Variants in DLGAP4 observed in about 807,000 individuals in gnomAD.
DLGAP4 encodes DLG associated protein 4, also known as disks large-associated protein 4.
Under a neutral mutation model 86.9 loss-of-function variants are expected in DLGAP4, and 18 were observed. The observed-to-expected ratio is 0.21, with a 90% CI of 0.14 to 0.31. The LOEUF is 0.31. DLGAP4 is among the 10% of genes least tolerant of loss of function. The pLI is 1.00. For missense variants in DLGAP4, 1,085 were observed against 1,362.6 expected (o/e 0.80, Z 3.21); for synonymous variants, 548 against 574.3 (o/e 0.95, Z 0.65).
chr20:36,419,509 C>T (rs1023849360), intron 2 of DLGAP4, among the ~76,000 whole-genome samples: 5 of 152,124 alleles, frequency 3.3e-5, no homozygotes, highest in African/African-American at 1.2e-4. Flanking sequence ...TCTCACAGAG[C>T]TTCTAGGGGT....
intron 10 of DLGAP4, among the ~76,000 whole-genome samples, chr20:36,503,424 T>C (rs969145984): frequency 1.1e-4 from 17 of 151,280 alleles, no homozygotes; most frequent in African/African-American, 3.6e-4. Flanking sequence ...TCTTTCTGTC[T>C]CTGGATTTGC....
intron 2 of DLGAP4, among the ~76,000 whole-genome samples, chr20:36,411,356 C>T (rs187686615): frequency 2.6e-4 from 40 of 152,294 alleles, no homozygotes; most frequent in African/African-American, 9.6e-4. Flanking sequence ...GCCCTGACCC[C>T]GTTCTGCCCC....
intron 1 of DLGAP4, among the ~76,000 whole-genome samples, chr20:36,364,931 CA>C (rs529153725): frequency 6.6e-6 from 1 of 151,876 alleles, no homozygotes; most frequent in African/African-American, 2.4e-5. Flanking sequence ...TTCATCTCTG[CA>C]AAAAATACAA....
chr20:36,362,364 C>T (rs1473211435), intron 1 of DLGAP4, among the ~76,000 whole-genome samples: 1 of 152,168 alleles, frequency 6.6e-6, no homozygotes, highest in East Asian at 1.9e-4. Context: ...GCTTCTTGGT[C>T]GCCTGAGGGT....
At chr20:36,486,759 C>T (rs925860219) in intron 7 of DLGAP4, among the ~76,000 whole-genome samples, 4 of 152,058 alleles carry the variant, frequency 2.6e-5, no homozygotes, top group Non-Finnish European at 5.9e-5. Context: ...TACAGGCCTG[C>T]GCCACCACAC....
At chr20:36,391,477 C>A (rs774674500) in intron 2 of DLGAP4, among the ~76,000 whole-genome samples, 21 of 152,120 alleles carry the variant, frequency 1.4e-4, no homozygotes, top group Admixed American at 2.6e-4. Flanking sequence ...CCACAGAGGG[C>A]CCTCATCACA....
chr20:36,360,034 G>C (rs1555894095), intron 1 of DLGAP4, among the ~76,000 whole-genome samples: 1 of 152,126 alleles, frequency 6.6e-6, no homozygotes, highest in African/African-American at 2.4e-5. Flanking sequence ...CTGATTAGGG[G>C]ATCATAATAC....
intron 2 of DLGAP4, among the ~76,000 whole-genome samples, chr20:36,403,614 C>CA (rs2032227744): frequency 6.6e-6 from 1 of 152,260 alleles, no homozygotes; most frequent in African/African-American, 2.4e-5. Context: ...TGGAAGTATA[C>CA]AAGCAAACTC....
chr20:36,437,068 G>A (rs1430290739), intron 4 of DLGAP4, among the ~76,000 whole-genome samples: 1 of 152,186 alleles, frequency 6.6e-6, no homozygotes, highest in Non-Finnish European at 1.5e-5. Context: ...CCAGCCCACA[G>A]ATGAATCCTG....
chr20:36,389,037 C>T (rs557626522), intron 2 of DLGAP4, among the ~76,000 whole-genome samples: 10 of 152,240 alleles, frequency 6.6e-5, no homozygotes, highest in South Asian at 6.2e-4. Flanking sequence ...GTGAGGGTGG[C>T]GCTCCCATCA....
At chr20:36,490,667 G>A (rs1012080386) in intron 7 of DLGAP4, among the ~76,000 whole-genome samples, 10 of 152,206 alleles carry the variant, frequency 6.6e-5, no homozygotes, top group Non-Finnish European at 1.2e-4. Context: ...CAGGGCACCT[G>A]TTCCTCTTGA....
intron 1 of DLGAP4, among the ~76,000 whole-genome samples, chr20:36,319,474 C>T (rs879972312): frequency 3.3e-5 from 5 of 152,158 alleles, no homozygotes; most frequent in East Asian, 1.9e-4. Flanking sequence ...TCCTGACACC[C>T]GCACACCCCC....
chr20:36,402,914 G>A (rs1292224275), intron 2 of DLGAP4, among the ~76,000 whole-genome samples: 1 of 152,058 alleles, frequency 6.6e-6, no homozygotes, highest in Admixed American at 6.6e-5. Context: ...TTCTGTAGCT[G>A]GTATTACTTC....
chr20:36,416,135 A>G (rs1242007770), intron 2 of DLGAP4, among the ~76,000 whole-genome samples: 1 of 152,030 alleles, frequency 6.6e-6, no homozygotes, highest in Admixed American at 6.6e-5. Flanking sequence ...TTACTTATTT[A>G]TTCGGAGATG....
intron 1 of DLGAP4, among the ~76,000 whole-genome samples, chr20:36,307,011 C>G (rs1275359908): frequency 6.6e-6 from 1 of 152,142 alleles, no homozygotes; most frequent in Admixed American, 6.5e-5. Flanking sequence ...TCCATTCAAC[C>G]CAGCTGCCTC....
At chr20:36,517,160 C>T (rs905912670) in intron 10 of DLGAP4, among the ~76,000 whole-genome samples, 1 of 151,642 alleles carries the variant, frequency 6.6e-6, no homozygotes, top group African/African-American at 2.4e-5. Context: ...GGGCAGATCA[C>T]TTGAGGCCAG....
rs1370250795 is a variant in DLGAP4, at chr20:36,439,690, G to C, written c.1242-64G>C. ...CCACCTGTGCATCACAGATGGTCAA[G>C]GCCTCCAAAAGCTGGGTGAACAATG... On this transcript the variant is annotated intron_variant, in intron 4 of 12. Transcript: ENST00000339266. 8.4e-6 allele frequency: 12 copies of C among 1,421,590 alleles called. No homozygotes were observed. The East Asian group carries it at 2.9e-4, about 34-fold the overall frequency. The allele number at this position is 1,421,590 out of a possible 1,614,324, so 88.1% of individuals were successfully genotyped here. A position where few individuals can be genotyped will look rare whatever the true frequency, so the allele number is the denominator to read the frequency against.
chr20:36,310,410 T>G (rs2065044237), intron 1 of DLGAP4, among the ~76,000 whole-genome samples: 1 of 151,968 alleles, frequency 6.6e-6, no homozygotes, highest in South Asian at 2.1e-4. Flanking sequence ...CATCCACTCT[T>G]CTAGGAGCCC....
chr20:36,349,365 C>T (rs1245475539), intron 1 of DLGAP4, among the ~76,000 whole-genome samples: 1 of 151,142 alleles, frequency 6.6e-6, no homozygotes, highest in African/African-American at 2.4e-5. Context: ...TTGCAGTGAG[C>T]CGAGATCACG....
Sources: allele counts gnomAD v4.1 joint callset (sites outside exome capture counted in the v4.1 genomes callset), GRCh38; gene constraint gnomAD v4.1.1; transcripts MANE v1.5; gene names NCBI Gene and HGNC (gene_info 2026-07-23, HGNC 2026-07-21).